RFLNA: variants seen among roughly 807,000 people sequenced by gnomAD.
RFLNA encodes refilin-A.
In RFLNA, 5 loss-of-function variants were observed where a neutral mutation model predicts 7.8. The observed-to-expected ratio is 0.64, with a 90% CI of 0.34 to 1.35. The LOEUF (loss-of-function observed/expected upper bound fraction) is 1.35. Among genes scored for constraint, RFLNA ranks in the 40% most tolerant of loss-of-function variants. RFLNA has a pLI of 0.04. For synonymous variants in RFLNA, 141 were observed against 131.3 expected (o/e 1.07, Z -0.50); for missense variants, 278 against 305.5 (o/e 0.91, Z 0.67).
At chr12:124,311,680 T>C (rs1299279113) in intron 1 of RFLNA, 138 bp from the exon 2 acceptor site, 4 of 784,106 alleles carry the variant, frequency 5.1e-6, no homozygotes, top group African/African-American at 1.9e-5. Flanking sequence ...ACAAAGCGGC[T>C]TCCTGATGGG....
chr12:124,294,748 CTAAAA>C (rs2033874487), upstream of RFLNA, among the ~76,000 whole-genome samples: 1 of 152,250 alleles, frequency 6.6e-6, no homozygotes, highest in African/African-American at 2.4e-5. Context: ...AAAGAAAACT[CTAAAA>C]TAAAGTTTCT....
In RFLNA at chr12:124,314,897, GCCT is replaced by G; in HGVS notation, c.*374_*376del. The G allele has an allele frequency of 2.5e-6, 1 of 395,754 alleles. No homozygotes were observed. Among genetic ancestry groups the G allele is most frequent in the Non-Finnish European group, 4.9e-6 (1 of 202,540 alleles). 24.5% of individuals were successfully genotyped at this position (395,754 alleles called of 1,614,324 possible). On this transcript the variant is annotated 3_prime_UTR_variant, in exon 3 of 3. Coordinates refer to ENST00000546355, the MANE Select transcript of RFLNA (RefSeq NM_001365156.1). ...GCAGTGTGAGGACAGAGGCATCCCA[GCCT>G]CAGCCGGTGGGGACGGCTGCCACTC...
At chr12:124,314,152 C>G (rs777793988) in intron 2 of RFLNA, 40 bp from the exon 3 acceptor site, 3 of 1,582,278 alleles carry the variant, frequency 1.9e-6, no homozygotes, top group Non-Finnish European at 2.6e-6. Context: ...GGGCTGCCCC[C>G]AATCCTGGGT....
intron 1 of RFLNA, among the ~76,000 whole-genome samples, chr12:124,302,391 C>T (rs1290749573): frequency 1.3e-5 from 2 of 152,096 alleles, no homozygotes; most frequent in East Asian, 1.9e-4. Flanking sequence ...ATCCTGGGCT[C>T]GTGGGTTCCT....
intron 2 of RFLNA, among the ~76,000 whole-genome samples, chr12:124,312,406 G>A (rs1019360784): frequency 1.3e-5 from 2 of 151,760 alleles, no homozygotes; most frequent in African/African-American, 2.4e-5. Flanking sequence ...AACCTCCTGG[G>A]CTTAAGCAAT....
chr12:124,305,981 C>T (rs916663475), intron 1 of RFLNA, among the ~76,000 whole-genome samples: 2 of 152,316 alleles, frequency 1.3e-5, no homozygotes, highest in Admixed American at 1.3e-4. Flanking sequence ...CGATCCTCTC[C>T]CTGTGGTCCT....
intron 1 of RFLNA, among the ~76,000 whole-genome samples, chr12:124,301,005 G>T (rs753643597): frequency 7.9e-5 from 12 of 152,182 alleles, no homozygotes; most frequent in Non-Finnish European, 1.3e-4. Flanking sequence ...ATGAACAGAT[G>T]GCTGAACAGA....
At chr12:124,300,414 G>T (rs562975874) in intron 1 of RFLNA, among the ~76,000 whole-genome samples, 1 of 152,208 alleles carries the variant, frequency 6.6e-6, no homozygotes, top group Non-Finnish European at 1.5e-5. Context: ...CTTGGAGGCC[G>T]CCTGAGGTCT....
chr12:124,300,582 GGATA>G lies in RFLNA; in HGVS notation c.207+4954_207+4957del, dbSNP rs540586713. 4.5e-3 allele frequency among the ~76,000 whole-genome samples: 680 copies of G among 151,756 alleles called. 3 individuals carry two copies. Among genetic ancestry groups the G allele is most frequent in the South Asian group, 0.017 (80 of 4,796 alleles). ...GGGAAGGATGGATGGATGGATGGAT[GGATA>G]GATAGATGGATGGATGGATGGATGG... On this transcript the variant is annotated intron_variant, in intron 1 of 2. Coordinates refer to ENST00000546355, the MANE Select transcript of RFLNA (RefSeq NM_001365156.1).
chr12:124,307,935 CCCCTGCCAT>C (rs997037740), intron 1 of RFLNA, among the ~76,000 whole-genome samples: 1 of 151,970 alleles, frequency 6.6e-6, no homozygotes, highest in Non-Finnish European at 1.5e-5. Context: ...TGTGGTTGTG[CCCCTGCCAT>C]CCCTGCCTCC....
intron 1 of RFLNA, among the ~76,000 whole-genome samples, chr12:124,298,218 C>A (rs886244220): frequency 6.6e-6 from 1 of 152,226 alleles, no homozygotes; most frequent in Non-Finnish European, 1.5e-5. Flanking sequence ...CTGAGGTCCT[C>A]ACCACCTTGT....
rs2034142887 is a variant in RFLNA at position 124,306,681 on chromosome 12, C to T, written c.208-5137C>T. 6.6e-6 allele frequency among the ~76,000 whole-genome samples: 1 copy of T among 152,120 alleles called. No homozygotes were observed. Among genetic ancestry groups the T allele is most frequent in the East Asian group, 1.9e-4 (1 of 5,180 alleles). ...AAAATGGGGGTGCTGCCAGCAGCTGCGTGCTGGGGTTTTTTATAAGGATCA... is the reference window on the plus strand; with the variant it reads ...AAAATGGGGGTGCTGCCAGCAGCTGTGTGCTGGGGTTTTTTATAAGGATCA... On this transcript the variant is annotated intron_variant, in intron 1 of 2. Transcript: ENST00000546355. This position sits in a 1 kb window ranked among gnomAD's most constrained non-coding sequence, Gnocchi z 5.2.
chr12:124,313,666 G>A (rs1593041397), intron 2 of RFLNA, among the ~76,000 whole-genome samples: 4 of 135,652 alleles, frequency 2.9e-5, no homozygotes, highest in South Asian at 2.4e-4. Context: ...GTGACAGAGC[G>A]AGACTCCGTC....
chr12:124,298,096 TG>T (rs1160293109), intron 1 of RFLNA, among the ~76,000 whole-genome samples: 5 of 152,108 alleles, frequency 3.3e-5, no homozygotes, highest in Non-Finnish European at 7.4e-5. Context: ...TTTGGCAGGG[TG>T]GGTGTCTTTG....
upstream of RFLNA, among the ~76,000 whole-genome samples, chr12:124,294,677 C>G (rs780517015): frequency 2.0e-5 from 3 of 152,212 alleles, no homozygotes; most frequent in African/African-American, 4.8e-5. Flanking sequence ...TGCGGGTAAC[C>G]GAGACGCCAG....
chr12:124,299,253 T>A (rs1158915605), intron 1 of RFLNA, among the ~76,000 whole-genome samples: 1 of 152,242 alleles, frequency 6.6e-6, no homozygotes, highest in Non-Finnish European at 1.5e-5. Context: ...CAGGGACCTG[T>A]CTCCTGCATG....
intron 1 of RFLNA, among the ~76,000 whole-genome samples, chr12:124,296,096 CTT>C (rs368763665): frequency 1.7e-4 from 1 of 5,956 alleles, no homozygotes; most frequent in Non-Finnish European, 6.3e-4. Flanking sequence ...TTCTTTCTTT[CTT>C]TCTTTCTTTC....
chr12:124,311,891 G>A lies in RFLNA; in HGVS notation c.281G>A (p.Ser94Asn). Residue 94 changes from serine to asparagine, a missense_variant, in exon 2 of 3, where the codon AGC (serine) becomes AAC (asparagine). Transcript: ENST00000546355. ...PRMLPVFFGE[S>N]IKVNPEPTHE... ...ATGCTGCCAGTGTTCTTTGGGGAGA[G>A]CATCAAGGTGAACCCGGAACCCACG... The A allele has an allele frequency of 6.3e-7, 1 of 1,593,624 alleles. No homozygotes were observed. The highest frequency in any genetic ancestry group is 2.4e-5 in the East Asian group (1 of 42,214).
upstream of RFLNA, among the ~76,000 whole-genome samples, chr12:124,292,867 G>A (rs1209350743): frequency 1.3e-5 from 2 of 152,292 alleles, no homozygotes; most frequent in South Asian, 2.1e-4. Flanking sequence ...ATGGTATTTC[G>A]CTGCAATGTT....
Sources: gnomAD v4.1 joint callset for allele counts (sites outside exome capture counted in the v4.1 genomes callset) on GRCh38, gnomAD v4.1.1 for gene constraint, Gnocchi (gnomAD v3.1) non-coding constraint, MANE v1.5 for transcripts, NCBI Gene and HGNC (gene_info 2026-07-23, HGNC 2026-07-21) for gene names.